Variants in LIPA observed in about 807,000 individuals in gnomAD.
The protein encoded by LIPA is lysosomal acid lipase/cholesteryl ester hydrolase.
In LIPA, 26 loss-of-function variants were observed where a neutral mutation model predicts 40.6. That is an observed-to-expected ratio of 0.64 (90% CI 0.47 to 0.89). LIPA has a LOEUF of 0.89. Ranked by LOEUF, LIPA falls within the 40% of genes least tolerant of loss-of-function variation. LIPA has a pLI of 0.00. For synonymous variants in LIPA, 188 were observed against 168.4 expected (o/e 1.12, Z -0.90); for missense variants, 455 against 479.6 (o/e 0.95, Z 0.48).
At chr10:89,216,889 C>T (rs12246667) in intron 8 of LIPA, among the ~76,000 whole-genome samples, 43,899 of 151,996 alleles carry the variant, frequency 0.29, 7,530 homozygotes, top group African/African-American at 0.47. Context: ...TTCTTGAGTA[C>T]TGGTATCAGT....
chr10:89,331,665 C>T (rs1449881070), intron 1 of LIPA, among the ~76,000 whole-genome samples: 3 of 151,794 alleles, frequency 2.0e-5, no homozygotes, highest in Admixed American at 2.0e-4. Context: ...TGGAGACCAG[C>T]CTGGGCAACA....
chr10:89,377,028 G>A (rs1221377153), intron 2 of LIPA, among the ~76,000 whole-genome samples: 1 of 152,136 alleles, frequency 6.6e-6, no homozygotes, highest in Non-Finnish European at 1.5e-5. Context: ...GCTTATCTTG[G>A]TGCACTACCC....
At chr10:89,227,783 G>A (rs1842789541) in intron 4 of LIPA, among the ~76,000 whole-genome samples, 1 of 152,178 alleles carries the variant, frequency 6.6e-6, no homozygotes, top group African/African-American at 2.4e-5. Flanking sequence ...CGAGACACAG[G>A]AGGCTTATGT....
At chr10:89,282,858 C>T (rs2133499214) in intron 1 of LIPA, among the ~76,000 whole-genome samples, 1 of 152,264 alleles carries the variant, frequency 6.6e-6, no homozygotes, top group South Asian at 2.1e-4. Flanking sequence ...ACTTAAGGAA[C>T]ACACTGAACA....
rs556245963 is a variant in LIPA at position 89,409,442 on chromosome 10, C to T, written c.61+3349G>A. 4.6e-5 allele frequency among the ~76,000 whole-genome samples: 7 copies of T among 152,306 alleles called. No individual in the cohort carries two copies. The South Asian group carries it at 1.5e-3, about 32-fold the overall frequency. The stretch of plus-strand genomic sequence containing the variant: ...CTTTAAAAAAGACTGTCCAAACAAG[C>T]TGCCCCCTCACCCATGTCCACTATG... On this transcript the variant is annotated intron_variant, in intron 2 of 8. Coordinates refer to the LIPA transcript ENST00000371837.
chr10:89,389,365 A>T (rs1844229717), intron 2 of LIPA, among the ~76,000 whole-genome samples: 1 of 152,222 alleles, frequency 6.6e-6, no homozygotes, highest in Non-Finnish European at 1.5e-5. Context: ...TTTAACTATG[A>T]TTACCAAAAA....
chr10:89,372,769 C>T (rs185514680), intron 2 of LIPA, among the ~76,000 whole-genome samples: 442 of 152,280 alleles, frequency 2.9e-3, no homozygotes, highest in Middle Eastern at 0.01. Context: ...AATGTATAAT[C>T]CTAAATTTCA....
intron 8 of LIPA, among the ~76,000 whole-genome samples, chr10:89,217,058 A>G (rs1215538685): frequency 2.0e-5 from 3 of 152,250 alleles, no homozygotes; most frequent in African/African-American, 7.2e-5. Context: ...AATTCAAAAT[A>G]GTGCAAATCC....
chr10:89,233,027 C>G (rs1842861168), intron 3 of LIPA, among the ~76,000 whole-genome samples: 1 of 152,190 alleles, frequency 6.6e-6, no homozygotes, highest in African/African-American at 2.4e-5. Context: ...TTGTTCCACC[C>G]AGACCGAATT....
chr10:89,354,166 C>T (rs1031680411), intron 2 of LIPA, among the ~76,000 whole-genome samples: 2 of 152,164 alleles, frequency 1.3e-5, no homozygotes, highest in Non-Finnish European at 2.9e-5. Context: ...TCTACCCCAC[C>T]ACCATATATA....
chr10:89,224,333 T>C (rs1307895376), intron 6 of LIPA, among the ~76,000 whole-genome samples: 1 of 152,240 alleles, frequency 6.6e-6, no homozygotes, highest in Non-Finnish European at 1.5e-5. Context: ...TGGTAGCTCA[T>C]GCCTGTAATC....
chr10:89,317,797 A>G (rs1843549151), intron 1 of LIPA, among the ~76,000 whole-genome samples: 2 of 152,228 alleles, frequency 1.3e-5, no homozygotes, highest in South Asian at 4.1e-4. Context: ...GAAGGAAAAA[A>G]TGTTAAAGGC....
chr10:89,386,135 C>A (rs528556344), intron 2 of LIPA, among the ~76,000 whole-genome samples: 1 of 152,150 alleles, frequency 6.6e-6, no homozygotes, highest in African/African-American at 2.4e-5. Context: ...AAACTCCTGG[C>A]CTCAAGAGAT....
chr10:89,325,773 G>A (rs1367460904), intron 1 of LIPA, among the ~76,000 whole-genome samples: 1 of 151,954 alleles, frequency 6.6e-6, no homozygotes, highest in Non-Finnish European at 1.5e-5. Context: ...TTATGAGTGG[G>A]GTGACTAAAT....
intron 2 of LIPA, among the ~76,000 whole-genome samples, chr10:89,388,398 G>T (rs371801067): frequency 9.2e-5 from 14 of 152,128 alleles, no homozygotes; most frequent in Admixed American, 3.3e-4. Context: ...GAATCACCGC[G>T]CCTGGCCGAA....
intron 1 of LIPA, among the ~76,000 whole-genome samples, chr10:89,291,236 T>A (rs1843372896): frequency 6.6e-6 from 1 of 151,952 alleles, no homozygotes; most frequent in South Asian, 2.1e-4. Context: ...TTCTTCCTCA[T>A]TTTTTCCCCT....
intron 1 of LIPA, among the ~76,000 whole-genome samples, chr10:89,304,755 G>T (rs72814786): frequency 0.25 from 38,018 of 151,772 alleles, 4,832 homozygotes; most frequent in African/African-American, 0.27. Context: ...TTTTTTAGGG[G>T]TTTTTTTGTT....
intron 1 of LIPA, among the ~76,000 whole-genome samples, chr10:89,317,229 GAGA>G (rs1418095957): frequency 6.6e-6 from 1 of 152,246 alleles, no homozygotes; most frequent in African/African-American, 2.4e-5. Flanking sequence ...GATGAGTTGA[GAGA>G]AGAAGGCTGC....
At chr10:89,244,313 C>T (rs1054134881) in intron 3 of LIPA, among the ~76,000 whole-genome samples, 1 of 152,112 alleles carries the variant, frequency 6.6e-6, no homozygotes, top group Non-Finnish European at 1.5e-5. Context: ...CACATTAACA[C>T]AAAGGGTGTT....
Sources: allele counts gnomAD v4.1 joint callset (sites outside exome capture counted in the v4.1 genomes callset), GRCh38; gene constraint gnomAD v4.1.1; transcripts MANE v1.5; gene names NCBI Gene and HGNC (gene_info 2026-07-23, HGNC 2026-07-21).